RAB7A: variants seen among roughly 807,000 people sequenced by gnomAD.
The protein encoded by RAB7A is ras-related protein Rab-7a.
RAB7A carries 2 observed loss-of-function variants against 24.5 expected under a neutral mutation model. The ratio of observed to expected loss-of-function variants is 0.08; its 90% CI spans 0.03 to 0.26. The LOEUF (loss-of-function observed/expected upper bound fraction) is 0.26. Among genes scored for constraint, RAB7A ranks in the 10% least tolerant of loss-of-function variants. The pLI is 1.00. For missense variants in RAB7A, 118 were observed against 255.7 expected, an observed-to-expected ratio of 0.46 and a Z score of 3.67; for synonymous variants, 100 against 95.9, an observed-to-expected ratio of 1.04 and a Z score of -0.25.
At chr3:128,726,898 C>T (rs550055640) in intron 1 of RAB7A, among the ~76,000 whole-genome samples, 1 of 152,318 alleles carries the variant, frequency 6.6e-6, no homozygotes, top group South Asian at 2.1e-4. Flanking sequence ...GCGCTGGGCT[C>T]GCCTCGACAC....
chr3:128,736,862 T>A (rs1202701145), intron 1 of RAB7A, among the ~76,000 whole-genome samples: 1 of 152,040 alleles, frequency 6.6e-6, no homozygotes, highest in Non-Finnish European at 1.5e-5. Context: ...ATTTGGGAAA[T>A]AGCACTAGTA....
At chr3:128,778,089 G>T (rs963964577) in intron 1 of RAB7A, among the ~76,000 whole-genome samples, 1 of 148,318 alleles carries the variant, frequency 6.7e-6, no homozygotes, top group Non-Finnish European at 1.5e-5. Context: ...ATGAGTAAGG[G>T]CTATAAATTG....
At position 128,795,392 on chromosome 3, in the gene RAB7A, C is replaced by T. The variant is rs1933544545; in HGVS notation, c.25C>T (p.Leu9=). The change falls in exon 2 of 6, where the codon CTG becomes TTG. Residue 9 remains leucine (L), a synonymous_variant. Transcript: ENST00000265062. ...GATGACCTCTAGGAAGAAAGTGTTG[C>T]TGAAGGTTATCATCCTGGGAGATTC... The part of the protein sequence containing the change: MTSRKKVL[L]KVIILGDSGV... 6.2e-7 allele frequency: 1 copy of T among 1,613,442 alleles called. No homozygotes were observed. The highest frequency in any genetic ancestry group is 8.5e-7 in the Non-Finnish European group (1 of 1,179,380).
At chr3:128,795,751 C>CTTTTTTTTTTTTTTTT (rs71153147) in intron 2 of RAB7A, among the ~76,000 whole-genome samples, 3,248 of 42,990 alleles carry the variant, frequency 0.076, 1,414 homozygotes, top group Non-Finnish European at 0.12. Context: ...AGCAGATGTG[C>CTTTTTTTTTTTTTTTT]TTTTTTTTTT....
At chr3:128,729,569 CAAAAAAA>C (rs71153142) in intron 1 of RAB7A, among the ~76,000 whole-genome samples, 2 of 97,134 alleles carry the variant, frequency 2.1e-5, no homozygotes, top group African/African-American at 6.5e-5. Context: ...GACTTCTTCT[CAAAAAAA>C]AAAAAAAAAA....
rs141066124 is a variant in RAB7A, at chr3:128,814,501, C to T, written c.*1079C>T. The T allele has an allele frequency of 2.0e-5, 3 of 152,676 alleles. No individual in the cohort carries two copies. Among genetic ancestry groups the T allele is most frequent in the Non-Finnish European group, 2.9e-5 (2 of 68,004 alleles). The allele number at this position is 152,676 out of a possible 1,614,324, so 9.5% of individuals were successfully genotyped here. On this transcript the variant is annotated 3_prime_UTR_variant, in exon 6 of 6. Transcript: ENST00000265062. Reference sequence around the variant, plus strand: ...AAAGGAAAACCCTAACAGATCTGTCCTAGTGATTTTACCTTTGTTCTAGAA... The same window carrying T: ...AAAGGAAAACCCTAACAGATCTGTCTTAGTGATTTTACCTTTGTTCTAGAA...
chr3:128,813,638 T>C lies in RAB7A; in HGVS notation c.*216T>C, dbSNP rs1933977759. The C allele has an allele frequency of 1.7e-6, 1 of 587,338 alleles. No individual in the cohort carries two copies. Among genetic ancestry groups the C allele is most frequent in the South Asian group, 1.8e-5 (1 of 56,024 alleles). The allele number at this position is 587,338 out of a possible 1,614,324, so 36.4% of individuals were successfully genotyped here. A position where few individuals can be genotyped will look rare whatever the true frequency, so the allele number is the denominator to read the frequency against. On this transcript the variant is annotated 3_prime_UTR_variant, in exon 6 of 6. Transcript: ENST00000265062. ...ACACACAGATCTGACGTAATCAAACTCCAGCCCTTGCCCGTGATGGCTCCT... is the reference window on the plus strand; with the variant it reads ...ACACACAGATCTGACGTAATCAAACCCCAGCCCTTGCCCGTGATGGCTCCT...
intron 1 of RAB7A, among the ~76,000 whole-genome samples, chr3:128,746,251 A>G (rs73198806): frequency 0.042 from 6,315 of 152,026 alleles, 180 homozygotes; most frequent in Non-Finnish European, 0.058. Flanking sequence ...TGTGGGTTCA[A>G]CTGTTTATTT....
chr3:128,773,439 G>A (rs1235615636), intron 1 of RAB7A, among the ~76,000 whole-genome samples: 3 of 143,536 alleles, frequency 2.1e-5, no homozygotes, highest in East Asian at 2.0e-4. Context: ...GGCAGCCCCC[G>A]CCCGGCCAGC....
At chr3:128,731,148 C>A (rs1281319605) in intron 1 of RAB7A, among the ~76,000 whole-genome samples, 1 of 152,182 alleles carries the variant, frequency 6.6e-6, no homozygotes, top group Admixed American at 6.5e-5. Flanking sequence ...TAAATAGTTA[C>A]ATCATTGATT....
At chr3:128,768,776 T>C (rs1033935067) in intron 1 of RAB7A, among the ~76,000 whole-genome samples, 1 of 150,498 alleles carries the variant, frequency 6.6e-6, no homozygotes, top group African/African-American at 2.5e-5. Flanking sequence ...TTGTCTAGGC[T>C]GCTCTCAAAC....
At chr3:128,797,873 T>G in intron 2 of RAB7A, 70 bp from the exon 3 acceptor site, 1 of 1,562,772 alleles carries the variant, frequency 6.4e-7, no homozygotes, top group Non-Finnish European at 8.8e-7. Flanking sequence ...TTTTAAATGC[T>G]TCAAGTAATT....
At chr3:128,780,319 T>C (rs1464909914) in intron 1 of RAB7A, among the ~76,000 whole-genome samples, 1 of 152,216 alleles carries the variant, frequency 6.6e-6, no homozygotes, top group East Asian at 1.9e-4. Context: ...GTTGTAACTA[T>C]ATTTCTATCC....
intron 3 of RAB7A, among the ~76,000 whole-genome samples, chr3:128,804,466 A>G (rs2107614931): frequency 6.6e-6 from 1 of 152,366 alleles, no homozygotes; most frequent in Admixed American, 6.5e-5. Flanking sequence ...GATTTCTATC[A>G]TGGAAGATTC....
intron 1 of RAB7A, among the ~76,000 whole-genome samples, chr3:128,746,685 C>T (rs536544412): frequency 3.3e-5 from 5 of 152,034 alleles, no homozygotes; most frequent in South Asian, 2.1e-4. Flanking sequence ...CATGCCACCA[C>T]GCCCAGCTAA....
At chr3:128,789,929 TAC>T in intron 1 of RAB7A, among the ~76,000 whole-genome samples, 1 of 152,060 alleles carries the variant, frequency 6.6e-6, no homozygotes, top group Non-Finnish European at 1.5e-5. Context: ...TAGCTGAGAT[TAC>T]AAGCGCGTGC....
intron 2 of RAB7A, among the ~76,000 whole-genome samples, chr3:128,796,587 A>C (rs2107611549): frequency 6.6e-6 from 1 of 152,334 alleles, no homozygotes; most frequent in East Asian, 1.9e-4. Context: ...TCTTTATTCC[A>C]AAGTCCCCTG....
chr3:128,809,521 G>A (rs983229332), intron 5 of RAB7A, among the ~76,000 whole-genome samples: 6 of 152,222 alleles, frequency 3.9e-5, no homozygotes, highest in African/African-American at 1.4e-4. Context: ...TTGGTGAATT[G>A]AAGTTAACTC....
rs144565761 is a variant in RAB7A at position 128,759,875 on chromosome 3, T to A, written c.-9+33516T>A. 6.1e-3 allele frequency among the ~76,000 whole-genome samples: 926 copies of A among 152,216 alleles called. 8 individuals carry two copies. Among genetic ancestry groups the A allele is most frequent in the African/African-American group, 0.021 (884 of 41,520 alleles). On this transcript the variant is annotated intron_variant, in intron 1 of 5. Transcript: ENST00000265062. ...ACAGGCATGCACCACCACGCCCGGC[T>A]AATTTTGTATTTTTAGTAGAGACGG...
Sources: allele counts gnomAD v4.1 joint callset (sites outside exome capture counted in the v4.1 genomes callset), GRCh38; gene constraint gnomAD v4.1.1; transcripts MANE v1.5; gene names NCBI Gene and HGNC (gene_info 2026-07-23, HGNC 2026-07-21).